The following ABCC4 variants were observed in gnomAD, a reference collection of about 807,000 sequenced individuals.
ABCC4 encodes ATP-binding cassette sub-family C member 4.
A neutral mutation model predicts 168.5 loss-of-function variants in ABCC4; 102 were observed. The ratio of observed to expected loss-of-function variants is 0.61; its 90% CI spans 0.52 to 0.71. The LOEUF (loss-of-function observed/expected upper bound fraction) is 0.71, where lower values mean the gene tolerates loss of function less well. ABCC4 is among the 30% of genes least tolerant of loss of function. ABCC4 has a pLI of 0.00. For synonymous variants in ABCC4, 617 were observed against 590.7 expected, an observed-to-expected ratio of 1.04 and a Z score of -0.65; for missense variants, 1,402 against 1,605.8, an observed-to-expected ratio of 0.87 and a Z score of 2.17.
chr13:95,202,817 T>TTTGTTG (rs754931701), intron 8 of ABCC4, among the ~76,000 whole-genome samples: 1 of 151,686 alleles, frequency 6.6e-6, no homozygotes, highest in African/African-American at 2.4e-5. Context: ...CCCAGCTGAT[T>TTTGTTG]TTGTTGTTGT....
intron 19 of ABCC4, among the ~76,000 whole-genome samples, chr13:95,141,617 G>C (rs3782958): frequency 0.2 from 29,778 of 152,048 alleles, 3,835 homozygotes; most frequent in African/African-American, 0.37. Flanking sequence ...TTTTTGAAAA[G>C]AACCTTAGAA....
rs571072833 is a variant in ABCC4 at position 95,151,898 on chromosome 13, C to G, written c.2455+9291G>C. 2.0e-5 allele frequency among the ~76,000 whole-genome samples: 3 copies of G among 152,326 alleles called. No homozygotes were observed. In the South Asian group the frequency reaches 6.2e-4, roughly 32 times the overall value. On this transcript the variant is annotated intron_variant, in intron 19 of 30. Transcript: ENST00000645237. ...GAATTGGGGCATCTCAACACCTCAA[C>G]TCCCTGTGCAAGAACAGATTTTCAA...
At chr13:95,292,604 G>A (rs2041430085) in intron 1 of ABCC4, among the ~76,000 whole-genome samples, 2 of 152,094 alleles carry the variant, frequency 1.3e-5, no homozygotes. Context: ...AGAAAACTGT[G>A]GCTCAATACA....
intron 29 of ABCC4, among the ~76,000 whole-genome samples, chr13:95,041,935 A>G (rs1424279392): frequency 6.6e-6 from 1 of 152,204 alleles, no homozygotes; most frequent in Admixed American, 6.5e-5. Flanking sequence ...TAGTTCTCAC[A>G]AAGAATTCAG....
At chr13:95,066,698 A>T (rs1217199716) in intron 25 of ABCC4, among the ~76,000 whole-genome samples, 1 of 152,224 alleles carries the variant, frequency 6.6e-6, no homozygotes, top group Non-Finnish European at 1.5e-5. Flanking sequence ...TGTTGAAATG[A>T]CTGAGCCCCT....
At chr13:95,137,667 G>A (rs990264091) in intron 19 of ABCC4, among the ~76,000 whole-genome samples, 2 of 152,152 alleles carry the variant, frequency 1.3e-5, no homozygotes, top group African/African-American at 4.8e-5. Flanking sequence ...TCGAAAGATG[G>A]GGGGGAACTC....
intron 19 of ABCC4, among the ~76,000 whole-genome samples, chr13:95,125,043 C>T (rs2035710071): frequency 6.6e-6 from 1 of 152,066 alleles, no homozygotes; most frequent in Non-Finnish European, 1.5e-5. Context: ...CCAGAAACCA[C>T]ATACAGCACC....
At chr13:95,179,246 C>T (rs945731192) in intron 11 of ABCC4, among the ~76,000 whole-genome samples, 1 of 152,094 alleles carries the variant, frequency 6.6e-6, no homozygotes, top group Admixed American at 6.5e-5. Flanking sequence ...TAACACCCGC[C>T]CCATCTTCAC....
intron 30 of ABCC4, among the ~76,000 whole-genome samples, chr13:95,032,955 C>G (rs1000306280): frequency 6.9e-6 from 1 of 144,950 alleles, no homozygotes; most frequent in African/African-American, 2.6e-5. Flanking sequence ...TGTGAGCCAT[C>G]ACGCCTGGTC....
chr13:95,111,073 G>T (rs1362427335), intron 20 of ABCC4, among the ~76,000 whole-genome samples: 1 of 149,692 alleles, frequency 6.7e-6, no homozygotes, highest in South Asian at 2.1e-4. Flanking sequence ...GTTTTTGTTT[G>T]TTGATTTACG....
rs146407583 is a variant in ABCC4 at position 95,144,614 on chromosome 13, C to G, written c.2455+16575G>C. 1.1e-3 allele frequency among the ~76,000 whole-genome samples: 173 copies of G among 152,154 alleles called. 1 individual carries two copies. Among genetic ancestry groups the G allele is most frequent in the Non-Finnish European group, 2.5e-4 (17 of 68,008 alleles). ...TTTCTATACACCACTAACATCCAAG[C>G]TGAGAGCCAAATCAAGAATACCACG... On this transcript the variant is annotated intron_variant, in intron 19 of 30. Coordinates refer to ENST00000645237, the MANE Select transcript of ABCC4 (RefSeq NM_005845.5).
intron 3 of ABCC4, among the ~76,000 whole-genome samples, chr13:95,237,947 C>A (rs2039820357): frequency 6.6e-6 from 1 of 152,034 alleles, no homozygotes; most frequent in Non-Finnish European, 1.5e-5. Flanking sequence ...GTAATCCCAG[C>A]ACTTTGGGAG....
chr13:95,097,909 G>A lies in ABCC4; in HGVS notation c.2536-14619C>T, dbSNP rs1021113965. On this transcript the variant is annotated intron_variant, in intron 20 of 30. Transcript: ENST00000645237. ...CCAGCACTTTTAGAGGCTGAGGTGG[G>A]AGGCTCACTTGAGGCCAGGAGTTTC... Among the ~76,000 whole-genome samples, 3 of 152,076 alleles carry A rather than the reference G, an allele frequency of 2.0e-5. No individual in the cohort carries two copies. The South Asian group carries it at 6.2e-4, about 32-fold the overall frequency.
Position 95,287,055 on chromosome 13 carries a change from T to C in ABCC4, c.74+14186A>G, listed in dbSNP as rs191576635. On this transcript the variant is annotated intron_variant, in intron 1 of 30. Transcript: ENST00000645237. ...GGCTCACGCCTGTAACTCTAGCACTTTGGGAGGCCAAGGTGGGCAGATTGG... is the reference window on the plus strand; with the variant it reads ...GGCTCACGCCTGTAACTCTAGCACTCTGGGAGGCCAAGGTGGGCAGATTGG... Among the ~76,000 whole-genome samples, 453 of 152,200 alleles carry C rather than the reference T, an allele frequency of 3.0e-3. 1 individual carries two copies. The highest frequency in any genetic ancestry group is 0.01 in the African/African-American group (436 of 41,532).
intron 26 of ABCC4, 121 bp from the exon 27 acceptor site, chr13:95,053,305 T>C: frequency 1.3e-6 from 1 of 783,530 alleles, no homozygotes; most frequent in Non-Finnish European, 2.1e-6. Context: ...AATTATAGCG[T>C]TACAAATGCC....
chr13:95,150,306 AAACACCAG>A (rs1239181611), intron 19 of ABCC4, among the ~76,000 whole-genome samples: 2 of 152,140 alleles, frequency 1.3e-5, no homozygotes, highest in Non-Finnish European at 2.9e-5. Flanking sequence ...AAAGATTTCT[AAACACCAG>A]AACAAGTCTA....
At chr13:95,135,850 T>C (rs561066106) in intron 19 of ABCC4, among the ~76,000 whole-genome samples, 6 of 152,336 alleles carry the variant, frequency 3.9e-5, no homozygotes, top group Admixed American at 2.0e-4. Flanking sequence ...ACCTACTGTA[T>C]GTAATTGTAG....
At chr13:95,223,453 AAT>A (rs1183309588) in intron 4 of ABCC4, among the ~76,000 whole-genome samples, 1 of 152,220 alleles carries the variant, frequency 6.6e-6, no homozygotes, top group African/African-American at 2.4e-5. Context: ...ACTGAGGAAA[AAT>A]ATGAGTAAAG....
intron 1 of ABCC4, among the ~76,000 whole-genome samples, chr13:95,249,376 G>A (rs1196872629): frequency 6.6e-6 from 1 of 152,060 alleles, no homozygotes; most frequent in Non-Finnish European, 1.5e-5. Context: ...TTTAACATGG[G>A]GATTGTCTAA....
Sources: allele counts gnomAD v4.1 joint callset (sites outside exome capture counted in the v4.1 genomes callset), GRCh38; gene constraint gnomAD v4.1.1; transcripts MANE v1.5; gene names NCBI Gene and HGNC (gene_info 2026-07-23, HGNC 2026-07-21).